KCNQ1: variants seen among roughly 807,000 people sequenced by gnomAD.
KCNQ1 encodes the protein potassium voltage-gated channel subfamily KQT member 1.
KCNQ1 carries 49 observed loss-of-function variants against 72.4 expected under a neutral mutation model. The ratio of observed to expected loss-of-function variants is 0.68; its 90% CI spans 0.54 to 0.86. The LOEUF (loss-of-function observed/expected upper bound fraction) is 0.86, where lower values mean the gene tolerates loss of function less well. KCNQ1 is among the 40% of genes least tolerant of loss of function. The pLI is 0.00. For synonymous variants in KCNQ1, 450 were observed against 412.6 expected, an observed-to-expected ratio of 1.09 and a Z score of -1.10; for missense variants, 790 against 945.1, an observed-to-expected ratio of 0.84 and a Z score of 2.15.
At position 2,787,893 on chromosome 11, in the gene KCNQ1, G is replaced by GAA. The variant is rs371567130; in HGVS notation, c.1794+9859_1794+9860dup. Among the ~76,000 whole-genome samples the GAA allele has an allele frequency of 0.011, 1 of 90 alleles. No individual in the cohort carries two copies. Among genetic ancestry groups the GAA allele is most frequent in the African/African-American group, 0.05 (1 of 20 alleles). The allele number at this position is 90 out of a possible 152,430, so 0.1% of individuals were successfully genotyped here. ...AATTTTAATTTTAATTTATTAAAAT[G>GAA]AAAATTCCATTCCTGGATCTCAGTC... is the stretch of plus-strand genomic sequence containing the variant. On this transcript the variant is annotated intron_variant, in intron 15 of 15. Transcript: ENST00000155840. The surrounding 1 kb of genome is among the most constrained non-coding windows in gnomAD (Gnocchi z 6.3).
At chr11:2,531,219 C>T (rs2522007) in intron 2 of KCNQ1, among the ~76,000 whole-genome samples, 97,609 of 137,252 alleles carry the variant, frequency 0.71, 35,751 homozygotes, top group Non-Finnish European at 0.76. Flanking sequence ...ATTAGACGTG[C>T]CCTGGGCTCC....
Position 2,717,603 on chromosome 11 carries a change from C to A in KCNQ1, c.1515-51241C>A, listed in dbSNP as rs186143075. ...GGGAGGTCACGGCCCCACCCAGGAA[C>A]GTTCCTGTCCCAATCCTCCCATCCC... is the stretch of plus-strand genomic sequence containing the variant. On this transcript the variant is annotated intron_variant, in intron 11 of 15. Coordinates refer to ENST00000155840, the MANE Select transcript of KCNQ1 (RefSeq NM_000218.3). Among the ~76,000 whole-genome samples, 422 of 152,346 alleles carry A rather than the reference C, an allele frequency of 2.8e-3. 2 individuals carry two copies. The highest frequency in any genetic ancestry group is 4.1e-3 in the Non-Finnish European group (281 of 68,034).
At chr11:2,756,951 T>TAAA (rs58284663) in intron 11 of KCNQ1, among the ~76,000 whole-genome samples, 841 of 50,946 alleles carry the variant, frequency 0.017, 83 homozygotes, top group African/African-American at 0.033. Flanking sequence ...AAGAGCATCT[T>TAAA]AAAAAAAAAA....
chr11:2,598,932 T>G lies in KCNQ1; in HGVS notation c.1393+10078T>G, dbSNP rs890459513. 2.0e-5 allele frequency among the ~76,000 whole-genome samples: 3 copies of G among 152,246 alleles called. No homozygotes were observed. Among genetic ancestry groups the G allele is most frequent in the Non-Finnish European group, 4.4e-5 (3 of 68,044 alleles). ...AGGACCCATATGCAGCAAACAGTCTTGTGTCTCTGTCTGCTGCCAAATTGG... is the reference window on the plus strand; with the variant it reads ...AGGACCCATATGCAGCAAACAGTCTGGTGTCTCTGTCTGCTGCCAAATTGG... On this transcript the variant is annotated intron_variant, in intron 10 of 15. Coordinates refer to ENST00000155840, the MANE Select transcript of KCNQ1 (RefSeq NM_000218.3). The surrounding 1 kb of genome is among the most constrained non-coding windows in gnomAD (Gnocchi z 6.2).
chr11:2,464,742 C>A lies in KCNQ1; in HGVS notation c.386+19258C>A, dbSNP rs539564742. On this transcript the variant is annotated intron_variant, in intron 1 of 15. Transcript: ENST00000155840. The surrounding 1 kb of genome is among the most constrained non-coding windows in gnomAD (Gnocchi z 5.0). ...ATGCTGGTGGGAAGAACAGTCTGGG[C>A]GAGGAGGAAAGGGTGGCTCTGCTGA... Among the ~76,000 whole-genome samples the A allele has an allele frequency of 6.6e-6, 1 of 152,074 alleles. No individual in the cohort carries two copies. The highest frequency in any genetic ancestry group is 1.5e-5 in the Non-Finnish European group (1 of 67,998).
chr11:2,582,010 C>T (rs566244530), intron 6 of KCNQ1, among the ~76,000 whole-genome samples: 7 of 152,310 alleles, frequency 4.6e-5, no homozygotes, highest in African/African-American at 1.7e-4. Flanking sequence ...GGTCAGGGCA[C>T]TAGTGGGGCA....
intron 1 of KCNQ1, among the ~76,000 whole-genome samples, chr11:2,456,929 A>C (rs1365657500): frequency 1.4e-5 from 2 of 138,584 alleles, no homozygotes; most frequent in Non-Finnish European, 1.5e-5. Flanking sequence ...ACAGAGCAAG[A>C]CTCGGTCTCA....
Position 2,559,957 on chromosome 11 carries a change from C to G in KCNQ1, c.478-10671C>G, listed in dbSNP as rs553558952. On this transcript the variant is annotated intron_variant, in intron 2 of 15. Transcript: ENST00000155840. The surrounding 1 kb of genome is among the most constrained non-coding windows in gnomAD (Gnocchi z 4.9). ...GCAGGGCCAGGACCCCCAGAGTGTT[C>G]CAGTGACTTCAGAGAGGGGCAGCCA... is the stretch of plus-strand genomic sequence containing the variant. Among the ~76,000 whole-genome samples the G allele has an allele frequency of 1.3e-5, 2 of 151,606 alleles. No homozygotes were observed. Among genetic ancestry groups the G allele is most frequent in the African/African-American group, 4.8e-5 (2 of 41,306 alleles).
Position 2,579,289 on chromosome 11 carries a change from C to T in KCNQ1, c.922-4146C>T, listed in dbSNP as rs1407848530. ...CTAGAAGGCTCCCCATGCCTCCCGCCCCTTCACATGGGAGTGAAGGCACAG... is the reference window on the plus strand; with the variant it reads ...CTAGAAGGCTCCCCATGCCTCCCGCTCCTTCACATGGGAGTGAAGGCACAG... On this transcript the variant is annotated intron_variant, in intron 6 of 15. Coordinates refer to ENST00000155840, the MANE Select transcript of KCNQ1 (RefSeq NM_000218.3). The surrounding 1 kb of genome is among the most constrained non-coding windows in gnomAD (Gnocchi z 6.0). Among the ~76,000 whole-genome samples, 1 of 152,200 alleles carries T rather than the reference C, an allele frequency of 6.6e-6. No individual in the cohort carries two copies. Among genetic ancestry groups the T allele is most frequent in the African/African-American group, 2.4e-5 (1 of 41,456 alleles).
At chr11:2,587,518 C>T in intron 8 of KCNQ1, 52 bp from the exon 9 acceptor site, 1 of 1,611,500 alleles carries the variant, frequency 6.2e-7, no homozygotes, top group Non-Finnish European at 8.5e-7. Context: ...TCCATAAGGG[C>T]CCCCGCCGGG....
intron 10 of KCNQ1, chr11:2,633,163 G>C: frequency 2.5e-6 from 1 of 398,480 alleles, no homozygotes; most frequent in South Asian, 1.3e-4. Flanking sequence ...TCTGTGATGA[G>C]AGATGTTGAG....
chr11:2,768,796 C>T lies in KCNQ1; in HGVS notation c.1515-48C>T. On this transcript the variant is annotated intron_variant, in intron 11 of 15. Coordinates refer to ENST00000155840, the MANE Select transcript of KCNQ1 (RefSeq NM_000218.3). The surrounding 1 kb of genome is among the most constrained non-coding windows in gnomAD (Gnocchi z 6.7). ...CAGTGCAGGGGCAGTGAGGGGATGA[C>T]CAGCACAGGGTGGCCACTCACAATC... is the stretch of plus-strand genomic sequence containing the variant. The T allele has an allele frequency of 6.8e-7, 1 of 1,460,804 alleles. No individual in the cohort carries two copies. Among genetic ancestry groups the T allele is most frequent in the Non-Finnish European group, 9.6e-7 (1 of 1,040,032 alleles). The allele number at this position is 1,460,804 out of a possible 1,614,324, so 90.5% of individuals were successfully genotyped here. A position where few individuals can be genotyped will look rare whatever the true frequency, so the allele number is the denominator to read the frequency against.
At chr11:2,644,345 G>C (rs1849632079) in intron 10 of KCNQ1, 2 of 397,910 alleles carry the variant, frequency 5.0e-6, no homozygotes, top group Non-Finnish European at 8.9e-6. Context: ...TCTTTCTTCT[G>C]CTTGTTGTGG....
chr11:2,717,630 A>C (rs1483426143), intron 11 of KCNQ1, among the ~76,000 whole-genome samples: 4 of 152,170 alleles, frequency 2.6e-5, no homozygotes, highest in Non-Finnish European at 5.9e-5. Flanking sequence ...TCCCATCCCC[A>C]TATTCAGGAA....
chr11:2,833,556 C>T (rs1564909943), intron 15 of KCNQ1, among the ~76,000 whole-genome samples: 1 of 152,224 alleles, frequency 6.6e-6, no homozygotes, highest in Non-Finnish European at 1.5e-5. Flanking sequence ...CCACTGCTGC[C>T]CCGCCAGCAA....
Position 2,445,314 on chromosome 11 carries a change from G to A in KCNQ1, c.216G>A (p.Ala72=). 2 of 1,476,658 alleles carry A rather than the reference G, an allele frequency of 1.4e-6. No individual in the cohort carries two copies. The highest frequency in any genetic ancestry group is 1.8e-6 in the Non-Finnish European group (2 of 1,119,370). 91.5% of individuals were successfully genotyped at this position (1,476,658 alleles called of 1,614,324 possible). Reference sequence around the variant, plus strand: ...CTGCGTCCCCGGCCGCGCCCGCCGCGCCCCCAGTTGCCTCCGACCTTGGCC... The same window carrying A: ...CTGCGTCCCCGGCCGCGCCCGCCGCACCCCCAGTTGCCTCCGACCTTGGCC... ...APPASPAAPA[A]PPVASDLGPR... Residue 72 remains alanine (A), a synonymous_variant, in exon 1 of 16, where the codon GCG becomes GCA. Transcript: ENST00000155840.
At chr11:2,554,459 A>C (rs1032771708) in intron 2 of KCNQ1, among the ~76,000 whole-genome samples, 4 of 152,208 alleles carry the variant, frequency 2.6e-5, no homozygotes, top group African/African-American at 9.6e-5. Flanking sequence ...GTCATTCCTG[A>C]GCAGCTTAGG....
intron 11 of KCNQ1, among the ~76,000 whole-genome samples, chr11:2,747,372 G>A (rs546576557): frequency 3.9e-5 from 6 of 152,320 alleles, no homozygotes; most frequent in African/African-American, 1.4e-4. Flanking sequence ...GAGGGAGGGA[G>A]GGAAAGACTG....
At chr11:2,700,655 G>C (rs1850791340) in intron 11 of KCNQ1, among the ~76,000 whole-genome samples, 1 of 152,088 alleles carries the variant, frequency 6.6e-6, no homozygotes, top group South Asian at 2.1e-4. Context: ...CTGAGGACTT[G>C]GGACCTCAGG....
Sources: allele counts gnomAD v4.1 joint callset (sites outside exome capture counted in the v4.1 genomes callset), GRCh38; gene constraint gnomAD v4.1.1; non-coding constraint Gnocchi (gnomAD v3.1); transcripts MANE v1.5; gene names NCBI Gene and HGNC (gene_info 2026-07-23, HGNC 2026-07-21).